RALGAPB: variants seen among roughly 807,000 people sequenced by gnomAD.
RALGAPB encodes Ral GTPase activating protein non-catalytic subunit beta.
Under a neutral mutation model 161.1 loss-of-function variants are expected in RALGAPB, and 25 were observed. The ratio of observed to expected loss-of-function variants is 0.16; its 90% confidence interval spans 0.11 to 0.22. The LOEUF is 0.22. Ranked by LOEUF, RALGAPB falls within the 10% of genes least tolerant of loss-of-function variation. The probability of loss-of-function intolerance (pLI) is 1.00; values close to 1 mark genes in which losing one functional copy is unlikely to be tolerated. For synonymous variants in RALGAPB, 629 were observed against 626.1 expected, an observed-to-expected ratio of 1.00 and a Z score of -0.07; for missense variants, 1,391 against 1,815.2, an observed-to-expected ratio of 0.77 and a Z score of 4.25.
At chr20:38,546,533 T>A in intron 19 of RALGAPB, 103 bp downstream of exon 19, 1 of 1,490,278 alleles carries the variant, frequency 6.7e-7, no homozygotes, top group Non-Finnish European at 9.2e-7. Context: ...AGATTCTAAG[T>A]AGGTCAGAAA....
intron 1 of RALGAPB, among the ~76,000 whole-genome samples, chr20:38,476,814 G>A (rs900241642): frequency 1.3e-5 from 2 of 152,194 alleles, no homozygotes; most frequent in Non-Finnish European, 2.9e-5. Context: ...ATAATAAAGT[G>A]TTGAATATTT....
intron 24 of RALGAPB, 54 bp from the exon 25 acceptor site, chr20:38,565,303 TAC>T: frequency 6.3e-7 from 1 of 1,585,752 alleles, no homozygotes. Context: ...AGCAAGATGA[TAC>T]TGGTTTTTTC....
intron 3 of RALGAPB, among the ~76,000 whole-genome samples, chr20:38,495,257 G>A (rs972719656): frequency 2.0e-5 from 3 of 151,852 alleles, no homozygotes; most frequent in Non-Finnish European, 2.9e-5. Flanking sequence ...TAGAGATTAT[G>A]TCAGAATGAA....
At chr20:38,511,293 G>A (rs914540630) in intron 6 of RALGAPB, among the ~76,000 whole-genome samples, 3 of 151,564 alleles carry the variant, frequency 2.0e-5, no homozygotes, top group South Asian at 2.1e-4. Context: ...TTTAGGAAAC[G>A]CTGATATCTG....
At chr20:38,498,912 A>G (rs1164733771) in intron 4 of RALGAPB, among the ~76,000 whole-genome samples, 3 of 152,158 alleles carry the variant, frequency 2.0e-5, no homozygotes, top group Non-Finnish European at 4.4e-5. Flanking sequence ...TGGAGGTAAA[A>G]AGACATGGGT....
chr20:38,541,614 T>A (rs1040823639), intron 18 of RALGAPB, among the ~76,000 whole-genome samples: 1 of 152,182 alleles, frequency 6.6e-6, no homozygotes, highest in Non-Finnish European at 1.5e-5. Flanking sequence ...CAACCAAGAT[T>A]TATGAACTCT....
At chr20:38,474,606 C>T (rs1600802369) in intron 1 of RALGAPB, among the ~76,000 whole-genome samples, 2 of 152,126 alleles carry the variant, frequency 1.3e-5, no homozygotes, top group Non-Finnish European at 2.9e-5. Flanking sequence ...CTGTCTCTGG[C>T]TGCATTAGCT....
chr20:38,474,693 A>G (rs1045121527), intron 1 of RALGAPB, among the ~76,000 whole-genome samples: 1 of 152,156 alleles, frequency 6.6e-6, no homozygotes, highest in Non-Finnish European at 1.5e-5. Context: ...CTTTAGGAAC[A>G]TCGTAGTGAA....
In RALGAPB at chr20:38,487,512, G is replaced by A. The variant is rs74415490; in HGVS notation, c.-30-891G>A. ...AAGTTTCATAGATTCTAGAAGAAAT[G>A]AAAATTTAATATATGACAGAATTAG... On this transcript the variant is annotated intron_variant, in intron 1 of 29. Coordinates refer to ENST00000262879, the MANE Select transcript of RALGAPB (RefSeq NM_020336.4). Among the ~76,000 whole-genome samples, 641 of 152,266 alleles carry A rather than the reference G, an allele frequency of 4.2e-3. 4 individuals are homozygous for A. Among genetic ancestry groups the A allele is most frequent in the African/African-American group, 0.015 (617 of 41,550 alleles).
At chr20:38,493,901 G>A (rs186087423) in intron 3 of RALGAPB, among the ~76,000 whole-genome samples, 14 of 152,298 alleles carry the variant, frequency 9.2e-5, no homozygotes, top group South Asian at 2.1e-4. Context: ...TGAATTCTGC[G>A]TGAGTGCTGC....
chr20:38,549,243 A>G (rs915596401), intron 20 of RALGAPB, among the ~76,000 whole-genome samples: 4 of 151,958 alleles, frequency 2.6e-5, no homozygotes, highest in Non-Finnish European at 2.9e-5. Flanking sequence ...TTTTTTTTAT[A>G]AAGAGTCAGG....
intron 19 of RALGAPB, 89 bp downstream of exon 19, chr20:38,546,519 C>T (rs181816377): frequency 4.1e-4 from 638 of 1,546,442 alleles, no homozygotes; most frequent in Non-Finnish European, 5.5e-4. Flanking sequence ...GAAGGACAGC[C>T]TACAGATTCT....
chr20:38,552,045 G>T (rs1036101603), intron 21 of RALGAPB, among the ~76,000 whole-genome samples: 1 of 152,052 alleles, frequency 6.6e-6, no homozygotes, highest in East Asian at 1.9e-4. Context: ...GACAGGCAGT[G>T]AATAGAAACT....
chr20:38,484,549 T>A (rs1568898749), intron 1 of RALGAPB, among the ~76,000 whole-genome samples: 1 of 152,140 alleles, frequency 6.6e-6, no homozygotes, highest in Non-Finnish European at 1.5e-5. Flanking sequence ...TTTGTTTTTG[T>A]TTTTGTTTTA....
At chr20:38,532,362 C>A (rs1162820458) in intron 14 of RALGAPB, among the ~76,000 whole-genome samples, 1 of 152,106 alleles carries the variant, frequency 6.6e-6, no homozygotes. Context: ...TGGCCTTATT[C>A]ATGCTTTTTA....
intron 22 of RALGAPB, among the ~76,000 whole-genome samples, chr20:38,556,149 A>G (rs2087579328): frequency 6.6e-6 from 1 of 152,162 alleles, no homozygotes; most frequent in South Asian, 2.1e-4. Flanking sequence ...CTCTAATGAA[A>G]CCCAGGAGCA....
In RALGAPB at chr20:38,575,024, C is replaced by G; in HGVS notation, c.*57C>G. On this transcript the variant is annotated 3_prime_UTR_variant, in exon 30 of 30. Coordinates refer to ENST00000262879, the MANE Select transcript of RALGAPB (RefSeq NM_020336.4). The stretch of plus-strand genomic sequence containing the variant: ...GTTTGGGAACTATAACACAGCAGAA[C>G]AGTTTGATAGGTGATCACTGTAAAA... 1 of 1,369,550 alleles carries G rather than the reference C, an allele frequency of 7.3e-7. No homozygotes were observed. The highest frequency in any genetic ancestry group is 1.2e-5 in the South Asian group (1 of 85,524). 84.8% of individuals were successfully genotyped at this position (1,369,550 alleles called of 1,614,324 possible). A position where few individuals can be genotyped will look rare whatever the true frequency, so the allele number is the denominator to read the frequency against.
Position 38,492,938 on chromosome 20 carries a change from G to T in RALGAPB, c.195G>T (p.Trp65Cys). 6.2e-7 allele frequency: 1 copy of T among 1,606,286 alleles called. No homozygotes were observed. The highest frequency in any genetic ancestry group is 1.1e-5 in the South Asian group (1 of 90,854). The change falls in exon 3 of 30, where the codon TGG (tryptophan) becomes TGT (cysteine). Residue 65 changes from tryptophan to cysteine, a missense_variant. By Grantham distance (215) the Trp-to-Cys change is radical. This residue lies in a region of RALGAPB where 946 missense variants were observed against 1,257.2 expected (regional missense o/e 0.75). Coordinates refer to ENST00000262879, the MANE Select transcript of RALGAPB (RefSeq NM_020336.4). ...NLLKTDKEVKWTMEVICYGLT... is the reference protein window; with the variant it reads ...NLLKTDKEVKCTMEVICYGLT... ...TATTTTCTTTTGTCTAGGTAAAATG[G>T]ACCATGGAAGTAATTTGCTATGGAC...
At chr20:38,478,429 CTTTT>C (rs202094719) in intron 1 of RALGAPB, among the ~76,000 whole-genome samples, 2 of 150,832 alleles carry the variant, frequency 1.3e-5, no homozygotes, top group Admixed American at 1.3e-4. Flanking sequence ...AGTAGTTTTT[CTTTT>C]TTTTTGAGAC....
Sources: gnomAD v4.1 joint callset for allele counts (sites outside exome capture counted in the v4.1 genomes callset) on GRCh38, gnomAD v4.1.1 for gene constraint, gnomAD v4.1.1 regional missense constraint, MANE v1.5 for transcripts, NCBI Gene and HGNC (gene_info 2026-07-23, HGNC 2026-07-21) for gene names.